NAGLU: variants seen among roughly 807,000 people sequenced by gnomAD.
NAGLU encodes N-acetyl-alpha-glucosaminidase.
In NAGLU, 34 loss-of-function variants were observed where a neutral mutation model predicts 43.4. The ratio of observed to expected loss-of-function variants is 0.78; its 90% CI spans 0.60 to 1.04. The LOEUF is 1.04. NAGLU is among the 50% of genes least tolerant of loss of function. NAGLU has a pLI of 0.00. For missense variants in NAGLU, 910 were observed against 993.7 expected, an observed-to-expected ratio of 0.92 and a Z score of 1.13; for synonymous variants, 425 against 437.6, an observed-to-expected ratio of 0.97 and a Z score of 0.36.
At chr17:42,537,572 C>T in intron 2 of NAGLU, 27 bp downstream of exon 2, 1 of 1,612,168 alleles carries the variant, frequency 6.2e-7, no homozygotes, top group Non-Finnish European at 8.5e-7. Context: ...CCTTCCCCAC[C>T]CTCCTCTATG....
intron 4 of NAGLU, among the ~76,000 whole-genome samples, chr17:42,539,771 C>T (rs1046929908): frequency 3.5e-4 from 54 of 152,276 alleles, no homozygotes; most frequent in African/African-American, 1.2e-3. Context: ...CTCTCCTCTG[C>T]CGGGAGAGAG....
At chr17:42,539,782 G>A (rs375743321) in intron 4 of NAGLU, among the ~76,000 whole-genome samples, 1 of 152,202 alleles carries the variant, frequency 6.6e-6, no homozygotes, top group East Asian at 1.9e-4. Flanking sequence ...CGGGAGAGAG[G>A]GGCAGGAAGG....
rs371348286 is a variant in NAGLU, at chr17:42,544,134, C to G, written c.2128C>G (p.Leu710Val). 1 of 1,613,966 alleles carries G rather than the reference C, an allele frequency of 6.2e-7. No individual in the cohort carries two copies. The highest frequency in any genetic ancestry group is 1.3e-5 in the African/African-American group (1 of 74,896). Residue 710 changes from leucine (L) to valine (V), a missense_variant, in exon 6 of 6, where the codon CTC becomes GTC. Coordinates refer to ENST00000225927, the MANE Select transcript of NAGLU (RefSeq NM_000263.4). ...CTTCCAACTGGAGCAGGCCTTCGTT[C>G]TCAGCAAGCAGAGGTACCCCAGCCA... Reference protein sequence around the residue: ...NVFQLEQAFVLSKQRYPSQPR... With the variant: ...NVFQLEQAFVVSKQRYPSQPR...
Position 42,536,648 on chromosome 17 carries a change from C to T in NAGLU, c.376C>T (p.Pro126Ser). ...AVPGELTEAT[P>S]NRYRYYQNVC... ...GCCGGGGGAGCTGACCGAGGCCACG[C>T]CCAACAGGTACCGCCCCGAAGCTTC... Residue 126 changes from proline to serine, a missense_variant, in exon 1 of 6, where the codon CCC becomes TCC. Coordinates refer to ENST00000225927, the MANE Select transcript of NAGLU (RefSeq NM_000263.4). 1 of 1,501,000 alleles carries T rather than the reference C, an allele frequency of 6.7e-7. No individual in the cohort carries two copies. Among genetic ancestry groups the T allele is most frequent in the South Asian group, 1.2e-5 (1 of 80,766 alleles). 93.0% of individuals were successfully genotyped at this position (1,501,000 alleles called of 1,614,324 possible).
At chr17:42,541,938 T>C (rs1175433076) in intron 5 of NAGLU, among the ~76,000 whole-genome samples, 1 of 152,132 alleles carries the variant, frequency 6.6e-6, no homozygotes, top group Non-Finnish European at 1.5e-5. Flanking sequence ...TTTCACTCTG[T>C]TGCTGAGGCT....
In NAGLU at chr17:42,544,349, C is replaced by T. The variant is rs2092931503; in HGVS notation, c.*111C>T. ...CCAGGCCTGGGAGGAGGCCCCACGG[C>T]CTGCTGGTGGGGTCTGACCTGGGGG... On this transcript the variant is annotated 3_prime_UTR_variant, in exon 6 of 6. Coordinates refer to ENST00000225927, the MANE Select transcript of NAGLU (RefSeq NM_000263.4). 1 of 1,513,866 alleles carries T rather than the reference C, an allele frequency of 6.6e-7. No homozygotes were observed. The highest frequency in any genetic ancestry group is 1.2e-5 in the South Asian group (1 of 86,774). 93.8% of individuals were successfully genotyped at this position (1,513,866 alleles called of 1,614,324 possible). A position where few individuals can be genotyped will look rare whatever the true frequency, so the allele number is the denominator to read the frequency against.
At chr17:42,538,849 C>A (rs968923444) in intron 4 of NAGLU, 94 bp downstream of exon 4, 17 of 1,424,114 alleles carry the variant, frequency 1.2e-5, no homozygotes, top group Non-Finnish European at 1.6e-5. Context: ...GGGCCGGGCG[C>A]AGTGGCTCAC....
In NAGLU at chr17:42,541,185, G is replaced by A. The variant is rs749140168; in HGVS notation, c.1000G>A (p.Val334Ile). ...PSYLAAATTAVYEAMTAVDTE... is the reference protein window; with the variant it reads ...PSYLAAATTAIYEAMTAVDTE... ...CTACCTTGCCGCAGCCACCACTGCC[G>A]TCTATGAGGCCATGACTGCAGGTAC... The change falls in exon 5 of 6, where the codon GTC (valine) becomes ATC (isoleucine). Residue 334 changes from valine (V) to isoleucine (I), a missense_variant. By Grantham distance (29) the Val-to-Ile change is conservative (BLOSUM62 3). Transcript: ENST00000225927. 1.8e-5 allele frequency: 29 copies of A among 1,613,216 alleles called. No individual in the cohort carries two copies. The highest frequency in any genetic ancestry group is 6.7e-5 in the African/African-American group (5 of 75,026).
At chr17:42,537,573 C>A in intron 2 of NAGLU, 28 bp downstream of exon 2, 2 of 1,611,996 alleles carry the variant, frequency 1.2e-6, no homozygotes, top group South Asian at 2.2e-5. Flanking sequence ...CTTCCCCACC[C>A]TCCTCTATGG....
rs2092930464 is a variant in NAGLU at position 42,544,081 on chromosome 17, T to G, written c.2075T>G (p.Phe692Cys). 6 of 1,614,040 alleles carry G rather than the reference T, an allele frequency of 3.7e-6. No homozygotes were observed. Among genetic ancestry groups the G allele is most frequent in the Non-Finnish European group, 5.1e-6 (6 of 1,180,006 alleles). The change falls in exon 6 of 6, where the codon TTC (phenylalanine) becomes TGC (cysteine). Residue 692 changes from phenylalanine to cysteine, a missense_variant. By Grantham distance (205) the Phe-to-Cys change is radical (BLOSUM62 -2). Transcript: ENST00000225927. ...LVDSVAQGIPFQQHQFDKNVF... is the reference protein window; with the variant it reads ...LVDSVAQGIPCQQHQFDKNVF... ...GACAGTGTGGCCCAGGGCATCCCTT[T>G]CCAACAGCACCAGTTTGACAAAAAT...
At position 42,538,691 on chromosome 17, in the gene NAGLU, C is replaced by T. The variant is rs104894601; in HGVS notation, c.700C>T (p.Arg234Cys). The T allele has an allele frequency of 1.4e-5, 22 of 1,613,892 alleles. No homozygotes were observed. The highest frequency in any genetic ancestry group is 1.3e-4 in the Admixed American group (8 of 60,002). ...YLQHRVLDQM[R>C]SFGMTPVLPA... ...CCAGCACCGGGTCCTGGACCAGATGCGCTCCTTCGGCATGACCCCAGTGCT... is the reference window on the plus strand; with the variant it reads ...CCAGCACCGGGTCCTGGACCAGATGTGCTCCTTCGGCATGACCCCAGTGCT... Residue 234 changes from arginine to cysteine, a missense_variant, in exon 4 of 6, where the codon CGC (arginine) becomes TGC (cysteine). Physicochemically the swap from Arg to Cys is radical, Grantham distance 180 (BLOSUM62 -3). Coordinates refer to ENST00000225927, the MANE Select transcript of NAGLU (RefSeq NM_000263.4).
chr17:42,536,349 C>A lies in NAGLU; in HGVS notation c.77C>A (p.Ala26Asp), dbSNP rs988433554. The change falls in exon 1 of 6, where the codon GCC becomes GAC. Residue 26 changes from alanine to aspartate, a missense_variant. Transcript: ENST00000225927. ...AGAGGAAGDE[A>D]REAAAVRALV... ...GCCGGGGGCGCGGCAGGCGACGAGG[C>A]CCGGGAGGCGGCGGCCGTGCGGGCG... 1 of 1,205,316 alleles carries A rather than the reference C, an allele frequency of 8.3e-7. No individual in the cohort carries two copies. 74.7% of individuals were successfully genotyped at this position (1,205,316 alleles called of 1,614,324 possible).
rs1216046617 is a variant in NAGLU, at chr17:42,536,573, G to C, written c.301G>C (p.Val101Leu). 2 of 1,484,544 alleles carry C rather than the reference G, an allele frequency of 1.3e-6. No individual in the cohort carries two copies. Among genetic ancestry groups the C allele is most frequent in the South Asian group, 2.6e-5 (2 of 78,218 alleles). 92.0% of individuals were successfully genotyped at this position (1,484,544 alleles called of 1,614,324 possible). ...CCTGCGCGACTTCTGTGGCTGCCAC[G>C]TGGCCTGGTCCGGCTCTCAGCTGCG... The part of the protein sequence containing the change: ...RYLRDFCGCH[V>L]AWSGSQLRLP... The change falls in exon 1 of 6, where the codon GTG becomes CTG. Residue 101 changes from valine to leucine, a missense_variant. Physicochemically the swap from Val to Leu is conservative, Grantham distance 32 (BLOSUM62 1). Coordinates refer to ENST00000225927, the MANE Select transcript of NAGLU (RefSeq NM_000263.4).
chr17:42,537,480 T>C lies in NAGLU; in HGVS notation c.466T>C (p.Trp156Arg), dbSNP rs1438624192. 1.1e-5 allele frequency: 18 copies of C among 1,614,236 alleles called. No homozygotes were observed. Among genetic ancestry groups the C allele is most frequent in the Non-Finnish European group, 1.5e-5 (18 of 1,180,028 alleles). ...DWARWEREID[W>R]MALNGINLAL... ...GGCCCGCTGGGAGCGAGAGATAGAC[T>C]GGATGGCGCTGAATGGCATCAACCT... The change falls in exon 2 of 6, where the codon TGG becomes CGG. Residue 156 changes from tryptophan (W) to arginine (R), a missense_variant. By Grantham distance (101) the Trp-to-Arg change is moderately radical. Transcript: ENST00000225927.
chr17:42,544,187 C>G lies in NAGLU; in HGVS notation c.2181C>G (p.Ala727=). 1 of 1,613,030 alleles carries G rather than the reference C, an allele frequency of 6.2e-7. No homozygotes were observed. The highest frequency in any genetic ancestry group is 8.5e-7 in the Non-Finnish European group (1 of 1,180,012). ...CGCGAGGAGACACTGTGGACCTGGCCAAGAAGATCTTCCTCAAATATTACC... is the reference window on the plus strand; with the variant it reads ...CGCGAGGAGACACTGTGGACCTGGCGAAGAAGATCTTCCTCAAATATTACC... The part of the protein sequence containing the change: ...SQPRGDTVDL[A]KKIFLKYYPR... The change falls in exon 6 of 6, where the codon GCC becomes GCG. Residue 727 remains alanine (A), a synonymous_variant. Transcript: ENST00000225927.
intron 1 of NAGLU, 110 bp from the exon 2 acceptor site, chr17:42,537,288 G>A (rs865781065): frequency 1.2e-5 from 19 of 1,549,836 alleles, no homozygotes; most frequent in Non-Finnish European, 1.4e-5. Flanking sequence ...CAGCAGAAGG[G>A]CCGAGTTTGG....
At position 42,538,383 on chromosome 17, in the gene NAGLU, C is replaced by A. The variant is rs765009822; in HGVS notation, c.576C>A (p.Phe192Leu). 3.7e-6 allele frequency: 6 copies of A among 1,614,138 alleles called. No individual in the cohort carries two copies. The highest frequency in any genetic ancestry group is 3.3e-5 in the South Asian group (3 of 91,090). The part of the protein sequence containing the change: ...LGLTQAEINE[F>L]FTGPAFLAWG... Reference sequence around the variant, plus strand: ...TGACCCAGGCAGAGATCAATGAGTTCTTTACTGGTCCTGCCTTCCTGGCCT... The same window carrying A: ...TGACCCAGGCAGAGATCAATGAGTTATTTACTGGTCCTGCCTTCCTGGCCT... The change falls in exon 3 of 6, where the codon TTC becomes TTA. Residue 192 changes from phenylalanine (F) to leucine (L), a missense_variant. Physicochemically the swap from Phe to Leu is conservative, Grantham distance 22. Transcript: ENST00000225927.
chr17:42,538,873 G>A, intron 4 of NAGLU, 118 bp downstream of exon 4: 2 of 1,242,866 alleles, frequency 1.6e-6, no homozygotes, highest in South Asian at 2.5e-5. Flanking sequence ...TGTAATCCCA[G>A]CACTTTGGGA....
At position 42,537,525 on chromosome 17, in the gene NAGLU, C is replaced by G; in HGVS notation, c.511C>G (p.Gln171Glu). The G allele has an allele frequency of 6.2e-7, 1 of 1,614,054 alleles. No individual in the cohort carries two copies. Among genetic ancestry groups the G allele is most frequent in the Non-Finnish European group, 8.5e-7 (1 of 1,179,950 alleles). The change falls in exon 2 of 6, where the codon CAG (glutamine) becomes GAG (glutamate). Residue 171 changes from glutamine (Q) to glutamate (E), a missense_variant. Physicochemically the swap from Gln to Glu is conservative, Grantham distance 29 (BLOSUM62 2). Coordinates refer to ENST00000225927, the MANE Select transcript of NAGLU (RefSeq NM_000263.4). ...CAACCTGGCACTGGCCTGGAGCGGC[C>G]AGGAGGCCATCTGGCAGCGGGTGCG... ...GINLALAWSGQEAIWQRVYLA... is the reference protein window; with the variant it reads ...GINLALAWSGEEAIWQRVYLA...
Sources: allele counts gnomAD v4.1 joint callset (sites outside exome capture counted in the v4.1 genomes callset), GRCh38; gene constraint gnomAD v4.1.1; transcripts MANE v1.5; gene names NCBI Gene and HGNC (gene_info 2026-07-23, HGNC 2026-07-21).